The following ZBTB7C variants were observed in gnomAD, a reference collection of about 807,000 sequenced individuals.
ZBTB7C encodes the protein zinc finger and BTB domain containing 7C.
In ZBTB7C, 8 loss-of-function variants were observed where a neutral mutation model predicts 25.7. That is an observed-to-expected ratio of 0.31 (90% confidence interval 0.18 to 0.56). The LOEUF is 0.56. ZBTB7C is among the 20% of genes least tolerant of loss of function. ZBTB7C has a pLI of 0.91. For missense variants in ZBTB7C, 824 were observed against 855.2 expected (o/e 0.96, Z 0.46); for synonymous variants, 394 against 369.0 (o/e 1.07, Z -0.78).
chr18:48,137,844 A>G (rs2040223755), intron 3 of ZBTB7C, among the ~76,000 whole-genome samples: 1 of 152,218 alleles, frequency 6.6e-6, no homozygotes, highest in South Asian at 2.1e-4. Context: ...CCAGCCACCA[A>G]TCACAGAGGT....
chr18:48,064,804 C>T (rs773287634), intron 3 of ZBTB7C, among the ~76,000 whole-genome samples: 2 of 152,044 alleles, frequency 1.3e-5, no homozygotes, highest in Non-Finnish European at 2.9e-5. Flanking sequence ...AAGGCAGGGC[C>T]CCCCGGGAGG....
chr18:48,040,021 A>G lies in ZBTB7C; in HGVS notation c.1087T>C (p.Ser363Pro). ...TTGTGGCAGATGGGGCACTGCTGAG[A>G]GGCCTTGGGCTTCAGCTTGCGCTCT... ...VEERKLKPKASQQCPICHKVI... is the reference protein window; with the variant it reads ...VEERKLKPKAPQQCPICHKVI... The change falls in exon 4 of 5, where the codon TCT becomes CCT. Residue 363 changes from serine (S) to proline (P), a missense_variant. Ser to Pro is a moderately conservative substitution (Grantham distance 74, BLOSUM62 -1). Coordinates refer to ENST00000590800, the MANE Select transcript of ZBTB7C (RefSeq NM_001318841.2). 1 of 1,614,086 alleles carries G rather than the reference A, an allele frequency of 6.2e-7. No individual in the cohort carries two copies. The highest frequency in any genetic ancestry group is 8.5e-7 in the Non-Finnish European group (1 of 1,180,012).
At chr18:48,077,186 G>A (rs979825445) in intron 3 of ZBTB7C, among the ~76,000 whole-genome samples, 78 of 151,908 alleles carry the variant, frequency 5.1e-4, no homozygotes, top group African/African-American at 1.9e-3. Flanking sequence ...AGGAGATGTC[G>A]GCTAGAGGGT....
intron 3 of ZBTB7C, among the ~76,000 whole-genome samples, chr18:48,125,686 G>T (rs1024393771): frequency 6.6e-6 from 1 of 152,194 alleles, no homozygotes; most frequent in South Asian, 2.1e-4. Context: ...CACCAGGGAA[G>T]AACTTTTAGA....
At chr18:48,179,654 G>A (rs2041816623) in intron 3 of ZBTB7C, among the ~76,000 whole-genome samples, 1 of 151,026 alleles carries the variant, frequency 6.6e-6, no homozygotes. Context: ...GCCCTCGACT[G>A]CAAAGAAGAT....
intron 2 of ZBTB7C, among the ~76,000 whole-genome samples, chr18:48,280,848 C>CTTTTT (rs55760047): frequency 8.8e-5 from 7 of 79,922 alleles, no homozygotes; most frequent in South Asian, 4.9e-4. Context: ...TTTTCTCTCT[C>CTTTTT]TTTTTTTTTT....
chr18:48,112,348 T>A (rs2039276768), intron 3 of ZBTB7C, among the ~76,000 whole-genome samples: 1 of 150,484 alleles, frequency 6.6e-6, no homozygotes, highest in Non-Finnish European at 1.5e-5. Flanking sequence ...TGATTTACTT[T>A]TACCATTTCT....
intron 2 of ZBTB7C, among the ~76,000 whole-genome samples, chr18:48,238,328 A>C (rs1035441539): frequency 2.2e-4 from 33 of 152,238 alleles, no homozygotes; most frequent in Admixed American, 1.0e-3. Context: ...CAGTGTGTGA[A>C]GACTCCCATT....
chr18:48,275,858 G>A (rs2144602080), intron 2 of ZBTB7C, among the ~76,000 whole-genome samples: 1 of 152,288 alleles, frequency 6.6e-6, no homozygotes, highest in East Asian at 1.9e-4. Flanking sequence ...CATCTGCTAA[G>A]CAGCATTACA....
intron 3 of ZBTB7C, among the ~76,000 whole-genome samples, chr18:48,146,982 A>G (rs2144864314): frequency 6.6e-6 from 1 of 152,228 alleles, no homozygotes; most frequent in East Asian, 1.9e-4. Flanking sequence ...TCCACCAACT[A>G]CACACCAGAT....
At chr18:48,088,554 C>G (rs1264928461) in intron 3 of ZBTB7C, among the ~76,000 whole-genome samples, 1 of 152,176 alleles carries the variant, frequency 6.6e-6, no homozygotes, top group East Asian at 1.9e-4. Flanking sequence ...CTGGCCAGCC[C>G]TAGTGGCTCA....
intron 2 of ZBTB7C, among the ~76,000 whole-genome samples, chr18:48,238,435 T>C (rs2043437121): frequency 6.6e-6 from 1 of 152,202 alleles, no homozygotes; most frequent in Admixed American, 6.5e-5. Flanking sequence ...CTGCAAACTC[T>C]GTGAGACAGC....
intron 2 of ZBTB7C, among the ~76,000 whole-genome samples, chr18:48,259,187 T>C (rs1454312670): frequency 1.3e-5 from 2 of 152,134 alleles, no homozygotes. Context: ...TGAGCACAAA[T>C]AATCTGCTTG....
intron 2 of ZBTB7C, among the ~76,000 whole-genome samples, chr18:48,320,528 A>G (rs1200607980): frequency 6.6e-6 from 1 of 152,186 alleles, no homozygotes; most frequent in Non-Finnish European, 1.5e-5. Context: ...GGCTGCCAGC[A>G]CCTGAGAGAT....
intron 3 of ZBTB7C, among the ~76,000 whole-genome samples, chr18:48,155,171 G>T (rs1313509082): frequency 1.3e-5 from 2 of 151,954 alleles, no homozygotes; most frequent in Non-Finnish European, 2.9e-5. Flanking sequence ...AGTGTGCTGG[G>T]GTATGTATTC....
chr18:48,160,119 G>A (rs1324492281), intron 3 of ZBTB7C, among the ~76,000 whole-genome samples: 1 of 152,218 alleles, frequency 6.6e-6, no homozygotes, highest in Admixed American at 6.5e-5. Context: ...CAATGACTGG[G>A]CTTGCTTGAA....
chr18:48,228,323 T>C (rs1379107715), intron 2 of ZBTB7C, among the ~76,000 whole-genome samples: 6 of 152,144 alleles, frequency 3.9e-5, no homozygotes, highest in Admixed American at 3.9e-4. Context: ...CCACAGATGA[T>C]TTTGTTAAGG....
chr18:48,115,214 T>TTTCA (rs1272269780), intron 3 of ZBTB7C, among the ~76,000 whole-genome samples: 1 of 152,202 alleles, frequency 6.6e-6, no homozygotes, highest in Non-Finnish European at 1.5e-5. Context: ...AGTACAGGGT[T>TTTCA]TTCAAGGTTG....
chr18:48,123,434 C>T (rs539375196), intron 3 of ZBTB7C, among the ~76,000 whole-genome samples: 2 of 152,196 alleles, frequency 1.3e-5, no homozygotes, highest in Non-Finnish European at 2.9e-5. Context: ...GCACATTCAG[C>T]GACTATGCAG....
Sources: allele counts gnomAD v4.1 joint callset (sites outside exome capture counted in the v4.1 genomes callset), GRCh38; gene constraint gnomAD v4.1.1; transcripts MANE v1.5; gene names NCBI Gene and HGNC (gene_info 2026-07-23, HGNC 2026-07-21).